PSMC5: variants seen among roughly 807,000 people sequenced by gnomAD.
PSMC5 encodes 26S proteasome regulatory subunit 8.
Under a neutral mutation model 49.1 loss-of-function variants are expected in PSMC5, and 11 were observed. The ratio of observed to expected loss-of-function variants is 0.22; its 90% confidence interval spans 0.14 to 0.37. PSMC5 has a LOEUF of 0.37. Among genes scored for constraint, PSMC5 ranks in the 10% least tolerant of loss-of-function variants. The pLI is 1.00. For missense variants in PSMC5, 229 were observed against 520.9 expected, an observed-to-expected ratio of 0.44 and a Z score of 5.45; for synonymous variants, 206 against 192.2, an observed-to-expected ratio of 1.07 and a Z score of -0.59.
chr17:63,828,553 A>T (rs2040141008), intron 2 of PSMC5: 1 of 224,364 alleles, frequency 4.5e-6, no homozygotes, highest in African/African-American at 2.3e-5. Context: ...GTTGAAATTT[A>T]TCACCAAGAG....
rs781120491 is a variant in PSMC5 at position 63,829,898 on chromosome 17, C to T, written c.213C>T (p.Ser71=). The T allele has an allele frequency of 1.9e-6, 3 of 1,613,806 alleles. No individual in the cohort carries two copies. Among genetic ancestry groups the T allele is most frequent in the Non-Finnish European group, 2.5e-6 (3 of 1,179,860 alleles). The change falls in exon 4 of 12, where the codon TCC becomes TCT. Residue 71 remains serine, a synonymous_variant. Transcript: ENST00000310144. ...TACAGCTGCTGCAGGAGCAGGGCTC[C>T]TATGTGGGGGAAGTAGTCCGGGCCA... is the stretch of plus-strand genomic sequence containing the variant. ...EELQLLQEQG[S]YVGEVVRAMD... is the part of the protein sequence containing the mutation.
intron 2 of PSMC5, chr17:63,829,150 C>A: frequency 3.7e-6 from 1 of 267,992 alleles, no homozygotes; most frequent in Non-Finnish European, 7.1e-6. Context: ...AGCGGCTGGG[C>A]TAGAACTCAG....
rs1452995734 is a variant in PSMC5, at chr17:63,831,870, A to ATG, written c.1168-38_1168-37dup. On this transcript the variant is annotated intron_variant, in intron 11 of 11. Coordinates refer to ENST00000310144, the MANE Select transcript of PSMC5 (RefSeq NM_002805.6). The surrounding 1 kb of genome is among the most constrained non-coding windows in gnomAD (Gnocchi z 6.3). Reference sequence around the variant, plus strand: ...TGGCTCTGGGGCAGTGGGCTAGGGCATGTGTGTGTTCGTAACTTAATGTTC... The same window carrying ATG: ...TGGCTCTGGGGCAGTGGGCTAGGGCATGTGTGTGTGTTCGTAACTTAATGTTC... 2.5e-6 allele frequency: 4 copies of ATG among 1,612,318 alleles called. No individual in the cohort carries two copies. The African/African-American group carries it at 4.0e-5, about 16-fold the overall frequency.
chr17:63,827,898 C>G, intron 1 of PSMC5: 5 of 1,412,706 alleles, frequency 3.5e-6, no homozygotes, highest in Non-Finnish European at 4.6e-6. Flanking sequence ...CATATCGCCT[C>G]TCGGTCCTCC....
chr17:63,831,008 C>T lies in PSMC5; in HGVS notation c.680-28C>T. 6.2e-7 allele frequency: 1 copy of T among 1,600,290 alleles called. No individual in the cohort carries two copies. Among genetic ancestry groups the T allele is most frequent in the Non-Finnish European group, 8.5e-7 (1 of 1,171,502 alleles). The stretch of plus-strand genomic sequence containing the variant: ...TAGAGAGCTAATAAGCTAATAAGCT[C>T]CCTAACACCAGCTCGGCCTCCACAC... On this transcript the variant is annotated intron_variant, in intron 7 of 11. Transcript: ENST00000310144. The surrounding 1 kb of genome is among the most constrained non-coding windows in gnomAD (Gnocchi z 6.3).
chr17:63,830,307 A>G lies in PSMC5; in HGVS notation c.358A>G (p.Ser120Gly). Residue 120 changes from serine to glycine, a missense_variant, in exon 6 of 12, where the codon AGC becomes GGC. By Grantham distance (56) the Ser-to-Gly change is moderately conservative. This residue lies in a region of PSMC5 where 10 missense variants were observed against 22.3 expected (regional missense o/e 0.45). Coordinates refer to ENST00000310144, the MANE Select transcript of PSMC5 (RefSeq NM_002805.6). The surrounding 1 kb of genome is among the most constrained non-coding windows in gnomAD (Gnocchi z 4.0). ...PNCRVALRND[S>G]YTLHKILPNK... ...TTGCCGGGTGGCTCTAAGGAATGACAGCTACACTCTGCACAAGATCCTGCC... is the reference window on the plus strand; with the variant it reads ...TTGCCGGGTGGCTCTAAGGAATGACGGCTACACTCTGCACAAGATCCTGCC... 6.2e-7 allele frequency: 1 copy of G among 1,614,214 alleles called. No homozygotes were observed. The highest frequency in any genetic ancestry group is 1.1e-5 in the South Asian group (1 of 91,086).
chr17:63,827,855 C>G, intron 1 of PSMC5: 3 of 1,431,802 alleles, frequency 2.1e-6, no homozygotes, highest in Non-Finnish European at 2.7e-6. Context: ...TTGTAGAGCA[C>G]TTCACGCAGT....
rs2040176799 is a variant in PSMC5, at chr17:63,830,948, A to G, written c.679+13A>G. On this transcript the variant is annotated intron_variant, in intron 7 of 11. Transcript: ENST00000310144. The surrounding 1 kb of genome is among the most constrained non-coding windows in gnomAD (Gnocchi z 4.0). ...TTCATAGGGGAAGGTAACCATGGCT[A>G]GCAATGTGAGAAGCAAGAGGTAGGG... The G allele has an allele frequency of 6.2e-7, 1 of 1,613,910 alleles. No homozygotes were observed. Among genetic ancestry groups the G allele is most frequent in the Admixed American group, 1.7e-5 (1 of 59,990 alleles).
At chr17:63,828,282 T>G in intron 2 of PSMC5, 73 bp downstream of exon 2, 1 of 1,483,682 alleles carries the variant, frequency 6.7e-7, no homozygotes, top group South Asian at 1.2e-5. Flanking sequence ...CAAATCCATC[T>G]AATTCCTTTG....
chr17:63,830,943 T>C lies in PSMC5; in HGVS notation c.679+8T>C. ...AGAAATTCATAGGGGAAGGTAACCATGGCTAGCAATGTGAGAAGCAAGAGG... is the reference window on the plus strand; with the variant it reads ...AGAAATTCATAGGGGAAGGTAACCACGGCTAGCAATGTGAGAAGCAAGAGG... On this transcript the variant is annotated splice_region_variant and intron_variant, in intron 7 of 11. Coordinates refer to ENST00000310144, the MANE Select transcript of PSMC5 (RefSeq NM_002805.6). The surrounding 1 kb of genome is among the most constrained non-coding windows in gnomAD (Gnocchi z 4.0). The C allele has an allele frequency of 6.2e-7, 1 of 1,613,902 alleles. No individual in the cohort carries two copies. The highest frequency in any genetic ancestry group is 8.5e-7 in the Non-Finnish European group (1 of 1,179,944).
In PSMC5 at chr17:63,831,460, T is replaced by C. The variant is rs957070695; in HGVS notation, c.969+35T>C. 5.6e-6 allele frequency: 9 copies of C among 1,612,662 alleles called. No homozygotes were observed. Among genetic ancestry groups the C allele is most frequent in the Non-Finnish European group, 7.6e-6 (9 of 1,178,914 alleles). The stretch of plus-strand genomic sequence containing the variant: ...GGACACTGTGCAAAGTGGCTCTGGC[T>C]GTGGGGGTGGGGTGTGGGGCTCAGG... On this transcript the variant is annotated intron_variant, in intron 9 of 11. Transcript: ENST00000310144. The surrounding 1 kb of genome is among the most constrained non-coding windows in gnomAD (Gnocchi z 6.3).
At chr17:63,827,596 G>A (rs1043531222) in intron 1 of PSMC5, 82 bp downstream of exon 1, 2 of 1,550,436 alleles carry the variant, frequency 1.3e-6, no homozygotes, top group Non-Finnish European at 1.7e-6. Context: ...GCGGGCCGGG[G>A]CAGGAGCGTC....
chr17:63,829,766 G>A, intron 3 of PSMC5, 86 bp from the exon 4 acceptor site: 4 of 1,423,054 alleles, frequency 2.8e-6, no homozygotes, highest in Non-Finnish European at 4.0e-6. Flanking sequence ...TTTAATAAGA[G>A]TGATGCTTAG....
chr17:63,830,820 G>A lies in PSMC5; in HGVS notation c.564G>A (p.Leu188=), dbSNP rs1417090348. Residue 188 remains leucine, a synonymous_variant, in exon 7 of 12, where the codon CTG becomes CTA. Transcript: ENST00000310144. The surrounding 1 kb of genome is among the most constrained non-coding windows in gnomAD (Gnocchi z 4.0). ...LGIAQPKGVL[L]YGPPGTGKTL... ...CTGTTCCCCTGTAGGGAGTGCTGCT[G>A]TATGGACCTCCAGGCACTGGGAAGA... 6.2e-7 allele frequency: 1 copy of A among 1,614,096 alleles called. No individual in the cohort carries two copies. Among genetic ancestry groups the A allele is most frequent in the Non-Finnish European group, 8.5e-7 (1 of 1,180,022 alleles).
chr17:63,830,695 C>CTTTTTT lies in PSMC5; in HGVS notation c.553-107_553-102dup, dbSNP rs55833669. ...TTGGATAGAAGGGACCTTGATGTTCCTTTTTTTTTTTTGTATCCCTAACAT... is the reference window on the plus strand; with the variant it reads ...TTGGATAGAAGGGACCTTGATGTTCCTTTTTTTTTTTTTTTTTTGTATCCCTAACAT... On this transcript the variant is annotated intron_variant, in intron 6 of 11. Coordinates refer to ENST00000310144, the MANE Select transcript of PSMC5 (RefSeq NM_002805.6). This position sits in a 1 kb window ranked among gnomAD's most constrained non-coding sequence, Gnocchi z 4.0. 5.0e-3 allele frequency: 6,166 copies of CTTTTTT among 1,242,534 alleles called. 236 individuals carry two copies. In the African/African-American group the frequency reaches 0.091, roughly 18 times the overall value. 77.0% of individuals were successfully genotyped at this position (1,242,534 alleles called of 1,614,324 possible).
Position 63,830,262 on chromosome 17 carries a change from T to G in PSMC5, c.322-9T>G, listed in dbSNP as rs1000521662. 3.7e-6 allele frequency: 6 copies of G among 1,614,012 alleles called. No homozygotes were observed. The highest frequency in any genetic ancestry group is 5.1e-6 in the Non-Finnish European group (6 of 1,180,022). On this transcript the variant is annotated splice_polypyrimidine_tract_variant and intron_variant, in intron 5 of 11. Transcript: ENST00000310144. The surrounding 1 kb of genome is among the most constrained non-coding windows in gnomAD (Gnocchi z 4.0). ...TGTACCACTTCTGAAACTCGCCCCCTTCACCCAGGTGACACCCAATTGCCG... is the reference window on the plus strand; with the variant it reads ...TGTACCACTTCTGAAACTCGCCCCCGTCACCCAGGTGACACCCAATTGCCG...
intron 3 of PSMC5, 49 bp from the exon 4 acceptor site, chr17:63,829,803 A>G (rs763471500): frequency 1.3e-6 from 2 of 1,575,190 alleles, no homozygotes; most frequent in Admixed American, 3.3e-5. Flanking sequence ...TGGGTCCTGG[A>G]GACTCCAAAG....
chr17:63,830,926 A>G lies in PSMC5; in HGVS notation c.670A>G (p.Ile224Val). The G allele has an allele frequency of 6.2e-7, 1 of 1,613,968 alleles. No homozygotes were observed. Among genetic ancestry groups the G allele is most frequent in the Non-Finnish European group, 8.5e-7 (1 of 1,179,966 alleles). ...TGGCTCTGAACTGGTACAGAAATTC[A>G]TAGGGGAAGGTAACCATGGCTAGCA... The part of the protein sequence containing the change: ...VSGSELVQKF[I>V]GEGARMVREL... The change falls in exon 7 of 12, where the codon ATA (isoleucine) becomes GTA (valine). Residue 224 changes from isoleucine to valine, a missense_variant. By Grantham distance (29) the Ile-to-Val change is conservative (BLOSUM62 3). Coordinates refer to ENST00000310144, the MANE Select transcript of PSMC5 (RefSeq NM_002805.6). The surrounding 1 kb of genome is among the most constrained non-coding windows in gnomAD (Gnocchi z 4.0).
At chr17:63,828,426 T>G (rs2040139482) in intron 2 of PSMC5, 1 of 470,004 alleles carries the variant, frequency 2.1e-6, no homozygotes, top group South Asian at 3.3e-5. Flanking sequence ...GTTCACAGTT[T>G]GTTACACATC....
Sources: gnomAD v4.1 joint callset for allele counts on GRCh38, gnomAD v4.1.1 for gene constraint, gnomAD v4.1.1 regional missense constraint, Gnocchi (gnomAD v3.1) non-coding constraint, MANE v1.5 for transcripts, NCBI Gene and HGNC (gene_info 2026-07-23, HGNC 2026-07-21) for gene names.